PARD3B: variants seen among roughly 807,000 people sequenced by gnomAD.
PARD3B encodes par-3 family cell polarity regulator beta.
PARD3B carries 103 observed loss-of-function variants against 130.2 expected under a neutral mutation model. The observed-to-expected ratio is 0.79, with a 90% CI of 0.67 to 0.93. The LOEUF is 0.93. Among genes scored for constraint, PARD3B ranks in the 40% least tolerant of loss-of-function variants. PARD3B has a pLI of 0.00. For synonymous variants in PARD3B, 583 were observed against 553.2 expected, an observed-to-expected ratio of 1.05 and a Z score of -0.76; for missense variants, 1,609 against 1,499.2, an observed-to-expected ratio of 1.07 and a Z score of -1.21.
chr2:205,427,393 A>G (rs1311067685), intron 19 of PARD3B, among the ~76,000 whole-genome samples: 2 of 152,264 alleles, frequency 1.3e-5, no homozygotes, highest in Non-Finnish European at 1.5e-5. Flanking sequence ...CGTTAAATAA[A>G]CAAAAGCATG....
At chr2:205,595,731 G>T (rs1380147970) in intron 22 of PARD3B, among the ~76,000 whole-genome samples, 1 of 152,142 alleles carries the variant, frequency 6.6e-6, no homozygotes, top group African/African-American at 2.4e-5. Context: ...GGGAGTTAGA[G>T]AACAATGTAG....
At chr2:205,490,835 T>A (rs1343707342) in intron 20 of PARD3B, among the ~76,000 whole-genome samples, 2 of 152,138 alleles carry the variant, frequency 1.3e-5, no homozygotes, top group Non-Finnish European at 2.9e-5. Flanking sequence ...CTCATTGTGG[T>A]TTTTGATTTG....
At chr2:204,998,309 A>T (rs1287582245) in intron 3 of PARD3B, among the ~76,000 whole-genome samples, 9 of 98,480 alleles carry the variant, frequency 9.1e-5, no homozygotes, top group African/African-American at 3.6e-4. Flanking sequence ...CCCAGAACTT[A>T]AAGTATATAT....
At chr2:205,131,527 G>C (rs2031996475) in intron 10 of PARD3B, among the ~76,000 whole-genome samples, 1 of 152,154 alleles carries the variant, frequency 6.6e-6, no homozygotes, top group East Asian at 1.9e-4. Context: ...GATGTGTCCT[G>C]TCTTCAAGGA....
chr2:205,257,158 A>C (rs1265181770), intron 16 of PARD3B, among the ~76,000 whole-genome samples: 1 of 152,114 alleles, frequency 6.6e-6, no homozygotes. Context: ...AACTTAAAGG[A>C]ACCTAGATTA....
At chr2:204,866,935 G>C (rs988685941) in intron 2 of PARD3B, among the ~76,000 whole-genome samples, 8 of 152,024 alleles carry the variant, frequency 5.3e-5, no homozygotes, top group Non-Finnish European at 7.4e-5. Context: ...TGAGCATGGT[G>C]GTGGGCACCT....
chr2:205,279,895 C>A (rs375651196), intron 16 of PARD3B, among the ~76,000 whole-genome samples: 19 of 152,144 alleles, frequency 1.2e-4, no homozygotes, highest in Non-Finnish European at 2.2e-4. Context: ...AGATTACTCC[C>A]AGCAGGGAGC....
intron 1 of PARD3B, among the ~76,000 whole-genome samples, chr2:204,560,338 G>GT (rs1173594206): frequency 6.6e-6 from 1 of 152,084 alleles, no homozygotes; most frequent in South Asian, 2.1e-4. Flanking sequence ...TCAGTATTGT[G>GT]TTTTTTGCTG....
chr2:205,560,692 A>G (rs1421989837), intron 22 of PARD3B, among the ~76,000 whole-genome samples: 1 of 152,172 alleles, frequency 6.6e-6, no homozygotes, highest in Non-Finnish European at 1.5e-5. Flanking sequence ...CCAGTCCTTG[A>G]TGTTTCTGTA....
intron 2 of PARD3B, among the ~76,000 whole-genome samples, chr2:204,780,124 A>G (rs2041783104): frequency 6.6e-6 from 1 of 152,130 alleles, no homozygotes; most frequent in South Asian, 2.1e-4. Context: ...ATTTAGCTTT[A>G]TTTGTATTCC....
intron 1 of PARD3B, among the ~76,000 whole-genome samples, chr2:204,587,221 A>G (rs189515153): frequency 6.6e-6 from 1 of 152,318 alleles, no homozygotes; most frequent in East Asian, 1.9e-4. Context: ...AATGCTCATT[A>G]TCAGAGGGAT....
chr2:205,526,623 A>G (rs923487993), intron 21 of PARD3B, among the ~76,000 whole-genome samples: 1 of 152,218 alleles, frequency 6.6e-6, no homozygotes, highest in Admixed American at 6.5e-5. Context: ...AACAAGGCAG[A>G]TGCCACATTC....
At chr2:204,571,634 A>G (rs2032011600) in intron 1 of PARD3B, among the ~76,000 whole-genome samples, 1 of 152,150 alleles carries the variant, frequency 6.6e-6, no homozygotes, top group Non-Finnish European at 1.5e-5. Flanking sequence ...CGTCTCCCTA[A>G]TTAGATTGTA....
At chr2:205,462,081 G>A (rs1003453735) in intron 20 of PARD3B, among the ~76,000 whole-genome samples, 8 of 152,168 alleles carry the variant, frequency 5.3e-5, no homozygotes, top group African/African-American at 1.9e-4. Flanking sequence ...TCACATAATG[G>A]ATCTAGCTTA....
chr2:204,625,091 G>C (rs1255322724), intron 1 of PARD3B, among the ~76,000 whole-genome samples: 2 of 152,082 alleles, frequency 1.3e-5, no homozygotes, highest in African/African-American at 4.8e-5. Context: ...TGCATTTTGA[G>C]AGGTATTTTT....
chr2:205,228,835 T>C (rs1234545091), intron 15 of PARD3B, among the ~76,000 whole-genome samples: 1 of 152,224 alleles, frequency 6.6e-6, no homozygotes, highest in African/African-American at 2.4e-5. Flanking sequence ...TCAAATAGCC[T>C]GGCTTCAAGC....
chr2:205,253,090 A>C lies in PARD3B; in HGVS notation c.2185+7268A>C, dbSNP rs561788245. 2.6e-5 allele frequency among the ~76,000 whole-genome samples: 4 copies of C among 152,246 alleles called. No individual in the cohort carries two copies. Among genetic ancestry groups the C allele is most frequent in the Admixed American group, 2.0e-4 (3 of 15,298 alleles). On this transcript the variant is annotated intron_variant, in intron 16 of 22. Transcript: ENST00000406610. The surrounding 1 kb of genome is among the most constrained non-coding windows in gnomAD (Gnocchi z 4.4). The stretch of plus-strand genomic sequence containing the variant: ...ATGCTGCATAATAAAACCAACAGTA[A>C]ACATTTATTTCTTGATCACATATCT...
intron 21 of PARD3B, among the ~76,000 whole-genome samples, chr2:205,537,294 A>G (rs1250154451): frequency 6.6e-6 from 1 of 152,238 alleles, no homozygotes; most frequent in Non-Finnish European, 1.5e-5. Flanking sequence ...ATGGGAAATC[A>G]TATAAATGGC....
chr2:205,503,010 C>G (rs1326387238), intron 21 of PARD3B, among the ~76,000 whole-genome samples: 1 of 148,840 alleles, frequency 6.7e-6, no homozygotes, highest in Non-Finnish European at 1.5e-5. Flanking sequence ...CCTCCCCTCT[C>G]CCCTCTCCCC....
Sources: gnomAD v4.1 joint callset for allele counts (sites outside exome capture counted in the v4.1 genomes callset) on GRCh38, gnomAD v4.1.1 for gene constraint, Gnocchi (gnomAD v3.1) non-coding constraint, MANE v1.5 for transcripts, NCBI Gene and HGNC (gene_info 2026-07-23, HGNC 2026-07-21) for gene names.